Variants in DYNC2H1 observed in about 807,000 individuals in gnomAD.
DYNC2H1 encodes cytoplasmic dynein 2 heavy chain 1.
Under a neutral mutation model 570.0 loss-of-function variants are expected in DYNC2H1, and 410 were observed. The observed-to-expected ratio is 0.72, with a 90% CI of 0.66 to 0.78. DYNC2H1 has a LOEUF of 0.78. DYNC2H1 is among the 30% of genes least tolerant of loss of function. The pLI is 0.00. For missense variants in DYNC2H1, 4,865 were observed against 5,046.4 expected, an observed-to-expected ratio of 0.96 and a Z score of 1.09; for synonymous variants, 1,688 against 1,677.6, an observed-to-expected ratio of 1.01 and a Z score of -0.15.
At chr11:103,152,035 A>C in intron 20 of DYNC2H1, 101 bp from the exon 21 acceptor site, 1 of 1,259,308 alleles carries the variant, frequency 7.9e-7, no homozygotes, top group Non-Finnish European at 1.1e-6. Flanking sequence ...ATCTTAATTT[A>C]AAAAATAAAG....
At position 103,399,795 on chromosome 11, in the gene DYNC2H1, C is replaced by G; in HGVS notation, c.12289C>G (p.Leu4097Val). Residue 4097 changes from leucine (L) to valine (V), a missense_variant, in exon 84 of 89, where the codon CTC becomes GTC. Leu to Val is a conservative substitution (Grantham distance 32). Coordinates refer to ENST00000375735, the MANE Select transcript of DYNC2H1 (RefSeq NM_001377.3). ...VQSVHQSLAA[L>V]SKVIRGTTLL... is the part of the protein sequence containing the mutation. ...AAGTGTCCACCAGTCTCTTGCTGCT[C>G]TCAGCAAAGTCATCAGAGGAACTAC... 2 of 1,613,918 alleles carry G rather than the reference C, an allele frequency of 1.2e-6. No homozygotes were observed. Among genetic ancestry groups the G allele is most frequent in the Non-Finnish European group, 1.7e-6 (2 of 1,179,854 alleles).
chr11:103,212,210 A>T (rs934323663), intron 54 of DYNC2H1, among the ~76,000 whole-genome samples: 46 of 152,100 alleles, frequency 3.0e-4, no homozygotes, highest in African/African-American at 1.0e-3. Context: ...TCTCTTTAAG[A>T]GTCTCTTTCA....
intron 84 of DYNC2H1, among the ~76,000 whole-genome samples, chr11:103,435,300 G>T (rs576765096): frequency 2.4e-4 from 36 of 152,164 alleles, no homozygotes; most frequent in African/African-American, 8.2e-4. Context: ...AATATGTTGA[G>T]AAGTTTGTGT....
chr11:103,426,736 T>TAATTATA (rs1943687093), intron 84 of DYNC2H1, among the ~76,000 whole-genome samples: 2 of 152,182 alleles, frequency 1.3e-5, no homozygotes, highest in Middle Eastern at 6.3e-3. Context: ...TATAACAAAC[T>TAATTATA]AATGGGCTTG....
Position 103,177,911 on chromosome 11 carries a change from A to G in DYNC2H1, c.6139+91A>G, listed in dbSNP as rs538933867. On this transcript the variant is annotated intron_variant, in intron 38 of 88. Transcript: ENST00000375735. This position sits in a 1 kb window ranked among gnomAD's most constrained non-coding sequence, Gnocchi z 4.4. Reference sequence around the variant, plus strand: ...TAATGCTGTCTTTGTCAAGACTTCTACATGACCATAAAGTCATAATTAAGT... The same window carrying G: ...TAATGCTGTCTTTGTCAAGACTTCTGCATGACCATAAAGTCATAATTAAGT... The G allele has an allele frequency of 3.1e-5, 43 of 1,377,820 alleles. No homozygotes were observed. The South Asian group carries it at 5.7e-4, about 18-fold the overall frequency. 85.3% of individuals were successfully genotyped at this position (1,377,820 alleles called of 1,614,324 possible).
intron 82 of DYNC2H1, among the ~76,000 whole-genome samples, chr11:103,353,795 G>A (rs1396602661): frequency 6.6e-6 from 1 of 151,964 alleles, no homozygotes; most frequent in African/African-American, 2.4e-5. Context: ...ATTTTTAGCT[G>A]TTGTTTTTAA....
rs948483962 is a variant in DYNC2H1, at chr11:103,186,924, C to G, written c.6894-416C>G. Among the ~76,000 whole-genome samples the G allele has an allele frequency of 2.0e-5, 3 of 151,830 alleles. No homozygotes were observed. Among genetic ancestry groups the G allele is most frequent in the Admixed American group, 1.3e-4 (2 of 15,184 alleles). ...GCATAGTCTCCTGAAATATAGGAAC[C>G]ATGGTTTATTATTTTCATATTTCTA... is the stretch of plus-strand genomic sequence containing the variant. On this transcript the variant is annotated intron_variant, in intron 42 of 88. Coordinates refer to ENST00000375735, the MANE Select transcript of DYNC2H1 (RefSeq NM_001377.3). The surrounding 1 kb of genome is among the most constrained non-coding windows in gnomAD (Gnocchi z 4.5).
chr11:103,242,738 T>C (rs1864467393), intron 63 of DYNC2H1, among the ~76,000 whole-genome samples: 1 of 152,164 alleles, frequency 6.6e-6, no homozygotes, highest in Non-Finnish European at 1.5e-5. Flanking sequence ...AACTCCCTTT[T>C]TTTTTGAGAT....
At chr11:103,141,219 C>T (rs183710621) in intron 17 of DYNC2H1, among the ~76,000 whole-genome samples, 2 of 152,352 alleles carry the variant, frequency 1.3e-5, no homozygotes, top group Admixed American at 1.3e-4. Flanking sequence ...CAAAGTCATT[C>T]TCCGTCCAGC....
chr11:103,463,228 T>C (rs1378630942), intron 87 of DYNC2H1, among the ~76,000 whole-genome samples: 1 of 152,120 alleles, frequency 6.6e-6, no homozygotes, highest in African/African-American at 2.4e-5. Context: ...ACAAGATAAG[T>C]ATTACATTGT....
At chr11:103,270,202 A>AT (rs1865650244) in intron 70 of DYNC2H1, among the ~76,000 whole-genome samples, 6 of 151,178 alleles carry the variant, frequency 4.0e-5, no homozygotes, top group Non-Finnish European at 7.4e-5. Context: ...CAAAAAAAAA[A>AT]AAAAAAATAA....
At position 103,125,152 on chromosome 11, in the gene DYNC2H1, A is replaced by G. The variant is rs186405198; in HGVS notation, c.1714A>G (p.Lys572Glu). 28 of 1,613,616 alleles carry G rather than the reference A, an allele frequency of 1.7e-5. No homozygotes were observed. The highest frequency in any genetic ancestry group is 2.3e-5 in the Non-Finnish European group (27 of 1,179,744). Residue 572 changes from lysine to glutamate, a missense_variant, in exon 12 of 89, where the codon AAA becomes GAA. By Grantham distance (56) the Lys-to-Glu change is moderately conservative. Transcript: ENST00000375735. ...MELDSNDGLL[K>E]VHYSDRLVIL... is the part of the protein sequence containing the mutation. ...ATTGGATTCTAATGATGGATTACTAAAAGTGCATTATTCAGATCGTTTGGT... is the reference window on the plus strand; with the variant it reads ...ATTGGATTCTAATGATGGATTACTAGAAGTGCATTATTCAGATCGTTTGGT...
intron 62 of DYNC2H1, 135 bp from the exon 63 acceptor site, chr11:103,236,295 G>A: frequency 6.6e-6 from 4 of 607,116 alleles, no homozygotes; most frequent in Non-Finnish European, 1.2e-5. Context: ...GTGGGTTTGG[G>A]TGTTAAATGT....
At chr11:103,165,869 T>TA (rs1861284285) in intron 30 of DYNC2H1, 29 bp from the exon 31 acceptor site, 1 of 1,426,450 alleles carries the variant, frequency 7.0e-7, no homozygotes, top group East Asian at 2.7e-5. Context: ...ATTCACCTTT[T>TA]AAAAATAATT....
intron 82 of DYNC2H1, among the ~76,000 whole-genome samples, chr11:103,340,186 G>C (rs949810251): frequency 1.3e-5 from 2 of 152,154 alleles, no homozygotes; most frequent in African/African-American, 4.8e-5. Context: ...GTTGATAGTT[G>C]TTTAATTTGG....
chr11:103,403,902 G>A (rs12420031), intron 84 of DYNC2H1: 26,920 of 151,822 alleles, frequency 0.18, 2,556 homozygotes, highest in Admixed American at 0.26. Flanking sequence ...GAAGGGTTGT[G>A]AACCTCATCT....
intron 65 of DYNC2H1, among the ~76,000 whole-genome samples, chr11:103,247,723 T>C (rs1449195719): frequency 6.6e-6 from 1 of 152,050 alleles, no homozygotes; most frequent in Admixed American, 6.6e-5. Flanking sequence ...TATATTTTAG[T>C]TGGTCTCAGA....
chr11:103,440,826 A>G (rs573361286), intron 85 of DYNC2H1, among the ~76,000 whole-genome samples: 1 of 152,258 alleles, frequency 6.6e-6, no homozygotes, highest in South Asian at 2.1e-4. Context: ...CCAGAAAGTC[A>G]TATTTTCTCT....
intron 31 of DYNC2H1, among the ~76,000 whole-genome samples, chr11:103,166,415 C>T (rs1222087753): frequency 6.6e-6 from 1 of 151,978 alleles, no homozygotes; most frequent in Non-Finnish European, 1.5e-5. Flanking sequence ...AGATGTTTAC[C>T]ATTTGTTGCC....
Sources: gnomAD v4.1 joint callset for allele counts (sites outside exome capture counted in the v4.1 genomes callset) on GRCh38, gnomAD v4.1.1 for gene constraint, Gnocchi (gnomAD v3.1) non-coding constraint, MANE v1.5 for transcripts, NCBI Gene and HGNC (gene_info 2026-07-23, HGNC 2026-07-21) for gene names.